LANCL1: variants seen among roughly 807,000 people sequenced by gnomAD.
The protein encoded by LANCL1 is LanC like glutathione S-transferase 1, also known as glutathione S-transferase LANCL1.
Under a neutral mutation model 50.6 loss-of-function variants are expected in LANCL1, and 50 were observed. The observed-to-expected ratio is 0.99, with a 90% confidence interval of 0.79 to 1.25. The LOEUF (loss-of-function observed/expected upper bound fraction) is 1.25, where lower values mean the gene tolerates loss of function less well. Among genes scored for constraint, LANCL1 ranks in the 50% most tolerant of loss-of-function variants. LANCL1 has a pLI of 0.00. For synonymous variants in LANCL1, 188 were observed against 178.6 expected (o/e 1.05, Z -0.42); for missense variants, 532 against 480.7 (o/e 1.11, Z -1.00).
At chr2:210,470,049 A>G (rs955999098) in intron 3 of LANCL1, among the ~76,000 whole-genome samples, 1 of 151,904 alleles carries the variant, frequency 6.6e-6, no homozygotes, top group Non-Finnish European at 1.5e-5. Flanking sequence ...TGAGCCTTAT[A>G]TATTATTACA....
chr2:210,476,442 G>A (rs1694378463), intron 1 of LANCL1, 30 bp from the exon 2 acceptor site: 1 of 1,596,494 alleles, frequency 6.3e-7, no homozygotes, highest in African/African-American at 1.4e-5. Flanking sequence ...CAGAAACTAG[G>A]TTGAGATAGG....
At chr2:210,456,672 G>C (rs755276139) in intron 3 of LANCL1, among the ~76,000 whole-genome samples, 2 of 151,740 alleles carry the variant, frequency 1.3e-5, no homozygotes, top group South Asian at 2.1e-4. Context: ...TCCATATCAC[G>C]CATCTGCAGG....
At chr2:210,456,135 G>A (rs1214365019) in intron 3 of LANCL1, among the ~76,000 whole-genome samples, 1 of 152,122 alleles carries the variant, frequency 6.6e-6, no homozygotes, top group Non-Finnish European at 1.5e-5. Flanking sequence ...TGGTCTCAGG[G>A]CAGACTCAAA....
At chr2:210,436,520 G>A in intron 7 of LANCL1, 128 bp from the exon 8 acceptor site, 1 of 854,690 alleles carries the variant, frequency 1.2e-6, no homozygotes, top group Non-Finnish European at 1.8e-6. Context: ...TTTAGTGACA[G>A]AGGGATGTGT....
intron 2 of LANCL1, 40 bp downstream of exon 2, chr2:210,476,276 G>A (rs1256292450): frequency 6.8e-7 from 1 of 1,471,598 alleles, no homozygotes; most frequent in East Asian, 2.3e-5. Context: ...GAACACCGTG[G>A]GGAGAGGCAG....
At chr2:210,467,659 GAC>G (rs886940280) in intron 3 of LANCL1, among the ~76,000 whole-genome samples, 1 of 152,190 alleles carries the variant, frequency 6.6e-6, no homozygotes, top group Non-Finnish European at 1.5e-5. Context: ...TTTTGGGGGA[GAC>G]AAAAGTTATA....
intron 3 of LANCL1, among the ~76,000 whole-genome samples, chr2:210,465,014 A>G (rs1694004272): frequency 1.3e-5 from 2 of 152,132 alleles, no homozygotes; most frequent in African/African-American, 4.8e-5. Flanking sequence ...GACTGTACAT[A>G]GTGCCACCTG....
Position 210,431,601 on chromosome 2 carries a change from C to A in LANCL1, c.*2886G>T, listed in dbSNP as rs778145387. ...AAGTAGCTAGTAAAAGGCAGGGCAT[C>A]GTAAGATCAGACAAAAATTAACCTG... On this transcript the variant is annotated 3_prime_UTR_variant, in exon 10 of 10. Coordinates refer to ENST00000450366, the MANE Select transcript of LANCL1 (RefSeq NM_006055.3). 6.6e-6 allele frequency: 1 copy of A among 152,058 alleles called. No homozygotes were observed. Among genetic ancestry groups the A allele is most frequent in the Non-Finnish European group, 1.5e-5 (1 of 67,984 alleles). The allele number at this position is 152,058 out of a possible 1,614,324, so 9.4% of individuals were successfully genotyped here. A position where few individuals can be genotyped will look rare whatever the true frequency, so the allele number is the denominator to read the frequency against.
At position 210,437,678 on chromosome 2, in the gene LANCL1, TAC is replaced by T; in HGVS notation, c.873+10_873+11del. 6 of 1,455,704 alleles carry T rather than the reference TAC, an allele frequency of 4.1e-6. No individual in the cohort carries two copies. Among genetic ancestry groups the T allele is most frequent in the Non-Finnish European group, 4.5e-6 (5 of 1,098,998 alleles). The allele number at this position is 1,455,704 out of a possible 1,614,324, so 90.2% of individuals were successfully genotyped here. A position where few individuals can be genotyped will look rare whatever the true frequency, so the allele number is the denominator to read the frequency against. On this transcript the variant is annotated intron_variant, in intron 7 of 9. Transcript: ENST00000450366. ...TATTTAAAAAAATTTATTTCAAAAA[TAC>T]ACACAGTACCTTATAGGCCTGGATG...
At chr2:210,472,264 G>A (rs1292558866) in intron 2 of LANCL1, among the ~76,000 whole-genome samples, 188 bp from the exon 3 acceptor site, 1 of 152,132 alleles carries the variant, frequency 6.6e-6, no homozygotes, top group African/African-American at 2.4e-5. Context: ...AAATACCGTT[G>A]TAACTTATAC....
At chr2:210,455,559 C>A (rs2105909280) in intron 3 of LANCL1, among the ~76,000 whole-genome samples, 2 of 152,208 alleles carry the variant, frequency 1.3e-5, no homozygotes, top group South Asian at 4.1e-4. Context: ...ATAATAAGGT[C>A]TCTAAGGCTC....
In LANCL1 at chr2:210,459,887, G is replaced by A. The variant is rs1386384199; in HGVS notation, c.200-4573C>T. Among the ~76,000 whole-genome samples the A allele has an allele frequency of 3.3e-5, 5 of 151,890 alleles. No individual in the cohort carries two copies. The South Asian group carries it at 1.0e-3, about 31-fold the overall frequency. ...TCCTGTAGCTACTACCCTGGGGATG[G>A]GAGGGTAAATTATTTAGGGACACTT... On this transcript the variant is annotated intron_variant, in intron 3 of 9. Coordinates refer to ENST00000450366, the MANE Select transcript of LANCL1 (RefSeq NM_006055.3).
chr2:210,471,771 G>A (rs1694230403), intron 3 of LANCL1, 188 bp downstream of exon 3: 1 of 744,040 alleles, frequency 1.3e-6, no homozygotes. Flanking sequence ...TAAATTCAGG[G>A]CACTATTAAA....
chr2:210,447,138 C>T (rs1239180490), intron 4 of LANCL1, among the ~76,000 whole-genome samples: 1 of 152,214 alleles, frequency 6.6e-6, no homozygotes, highest in Non-Finnish European at 1.5e-5. Flanking sequence ...GCCCATCAGA[C>T]TAACAGTGGA....
chr2:210,461,758 T>C (rs1193380187), intron 3 of LANCL1, among the ~76,000 whole-genome samples: 1 of 151,852 alleles, frequency 6.6e-6, no homozygotes, highest in Non-Finnish European at 1.5e-5. Context: ...ATTTTTTTTT[T>C]TAAGTGTGAG....
At chr2:210,450,325 C>T (rs1433823493) in intron 4 of LANCL1, among the ~76,000 whole-genome samples, 1 of 152,146 alleles carries the variant, frequency 6.6e-6, no homozygotes, top group Non-Finnish European at 1.5e-5. Context: ...CTTCCTTATA[C>T]TTTATACAAA....
At chr2:210,439,765 C>T (rs1405761995) in intron 6 of LANCL1, among the ~76,000 whole-genome samples, 1 of 152,110 alleles carries the variant, frequency 6.6e-6, no homozygotes, top group East Asian at 1.9e-4. Flanking sequence ...TTATAAGAGC[C>T]AGCTACTCAA....
intron 6 of LANCL1, among the ~76,000 whole-genome samples, chr2:210,440,362 G>C (rs1421899333): frequency 6.6e-6 from 1 of 152,186 alleles, no homozygotes; most frequent in African/African-American, 2.4e-5. Context: ...GGGCAAGCAC[G>C]ATCACCTGCA....
intron 6 of LANCL1, among the ~76,000 whole-genome samples, chr2:210,438,202 T>C (rs1032887408): frequency 6.6e-6 from 1 of 151,168 alleles, no homozygotes. Context: ...TGGTGCGATC[T>C]TGGCTCCCTG....
Sources: gnomAD v4.1 joint callset for allele counts (sites outside exome capture counted in the v4.1 genomes callset) on GRCh38, gnomAD v4.1.1 for gene constraint, MANE v1.5 for transcripts, NCBI Gene and HGNC (gene_info 2026-07-23, HGNC 2026-07-21) for gene names.